Variants in HHAT observed in about 807,000 individuals in gnomAD.
HHAT encodes the protein hedgehog acyltransferase, also known as protein-cysteine N-palmitoyltransferase HHAT.
Under a neutral mutation model 70.8 loss-of-function variants are expected in HHAT, and 47 were observed. The ratio of observed to expected loss-of-function variants is 0.66; its 90% CI spans 0.53 to 0.85. The LOEUF is 0.85. Ranked by LOEUF, HHAT falls within the 40% of genes least tolerant of loss-of-function variation. HHAT has a pLI of 0.00. For synonymous variants in HHAT, 228 were observed against 247.6 expected (o/e 0.92, Z 0.74); for missense variants, 609 against 604.8 (o/e 1.01, Z -0.07).
At chr1:210,388,759 TTTCCCCAAGAA>T (rs2091258987) in intron 4 of HHAT, among the ~76,000 whole-genome samples, 1 of 152,226 alleles carries the variant, frequency 6.6e-6, no homozygotes, top group Non-Finnish European at 1.5e-5. Context: ...TTAGTTTTTT[TTTCCCCAAGAA>T]TTCAAAACTT....
chr1:210,492,073 T>G (rs1558014864), intron 8 of HHAT, among the ~76,000 whole-genome samples: 1 of 152,086 alleles, frequency 6.6e-6, no homozygotes, highest in Non-Finnish European at 1.5e-5. Context: ...CTGTCTTTAG[T>G]TCCTATAAGC....
intron 9 of HHAT, among the ~76,000 whole-genome samples, chr1:210,575,139 A>G (rs921474354): frequency 6.6e-6 from 1 of 151,916 alleles, no homozygotes; most frequent in East Asian, 1.9e-4. Context: ...TCTTTCCCCT[A>G]CCTCTTCTCC....
At position 210,442,862 on chromosome 1, in the gene HHAT, C is replaced by A. The variant is rs12067442; in HGVS notation, c.857-21643C>A. On this transcript the variant is annotated intron_variant, in intron 7 of 11. Coordinates refer to ENST00000261458, the MANE Select transcript of HHAT (RefSeq NM_018194.6). ...CAGAAGCTGTTTAGTTTAATTAGAT[C>A]CCATTTGTCAATTTTGGCTTTTGTT... 7.4e-3 allele frequency among the ~76,000 whole-genome samples: 1,126 copies of A among 152,222 alleles called. 17 individuals are homozygous for A. Among genetic ancestry groups the A allele is most frequent in the African/African-American group, 0.025 (1,029 of 41,520 alleles).
intron 9 of HHAT, among the ~76,000 whole-genome samples, chr1:210,566,999 C>T (rs560210141): frequency 4.1e-4 from 63 of 152,338 alleles, no homozygotes; most frequent in Non-Finnish European, 7.2e-4. Flanking sequence ...CCCCTTGATG[C>T]TTCTATGGGG....
chr1:210,433,797 G>C (rs981287042), intron 7 of HHAT, among the ~76,000 whole-genome samples: 14 of 151,862 alleles, frequency 9.2e-5, no homozygotes, highest in African/African-American at 3.4e-4. Flanking sequence ...TCAATTTCTA[G>C]TGAGAGTTAG....
intron 6 of HHAT, among the ~76,000 whole-genome samples, chr1:210,412,196 A>AC (rs887648523): frequency 3.3e-5 from 5 of 152,266 alleles, no homozygotes; most frequent in South Asian, 4.1e-4. Flanking sequence ...TAGTACCATT[A>AC]CCTTGGGGGT....
chr1:210,452,833 G>A, intron 7 of HHAT, among the ~76,000 whole-genome samples: 1 of 152,218 alleles, frequency 6.6e-6, no homozygotes, highest in East Asian at 1.9e-4. Context: ...ATTTGAGAGT[G>A]AGCGAGGAGA....
chr1:210,664,168 G>A (rs889658062), intron 11 of HHAT, among the ~76,000 whole-genome samples: 8 of 152,216 alleles, frequency 5.3e-5, no homozygotes, highest in African/African-American at 1.9e-4. Context: ...AAGATAACCA[G>A]CCCTCTGATG....
chr1:210,497,848 C>T (rs1264015215), intron 8 of HHAT, among the ~76,000 whole-genome samples: 5 of 151,846 alleles, frequency 3.3e-5, no homozygotes, highest in African/African-American at 9.7e-5. Context: ...TCACTGCAAC[C>T]TCCACCTCCC....
At chr1:210,427,439 T>A (rs1018389018) in intron 7 of HHAT, among the ~76,000 whole-genome samples, 1 of 152,210 alleles carries the variant, frequency 6.6e-6, no homozygotes, top group African/African-American at 2.4e-5. Context: ...TGTAGGTGTT[T>A]AGTGCTATAA....
rs952538690 is a variant in HHAT at position 210,389,768 on chromosome 1, C to T, written c.273+2187C>T. Among the ~76,000 whole-genome samples, 3 of 152,160 alleles carry T rather than the reference C, an allele frequency of 2.0e-5. 1 individual carries two copies. The highest frequency in any genetic ancestry group is 7.2e-5 in the African/African-American group (3 of 41,442). ...CCTAGTCTCAGGTAGTTCTTTATAG[C>T]AGTGTGTAAACAGACTAATACAACT... On this transcript the variant is annotated intron_variant, in intron 4 of 11. Transcript: ENST00000261458.
chr1:210,669,705 G>A (rs1200836033), intron 11 of HHAT, among the ~76,000 whole-genome samples: 2 of 152,224 alleles, frequency 1.3e-5, no homozygotes, highest in Non-Finnish European at 2.9e-5. Context: ...AGCCCTGCAG[G>A]AAATTACACA....
rs532665179 is a variant in HHAT at position 210,605,854 on chromosome 1, G to GT, written c.1246-17661dup. 3.3e-3 allele frequency among the ~76,000 whole-genome samples: 483 copies of GT among 147,534 alleles called. 4 individuals carry two copies. The highest frequency in any genetic ancestry group is 3.5e-3 in the Middle Eastern group (1 of 286). ...TAATTTTATTAATTTCTTCATTTAT[G>GT]TTTTTTTTTTTCCTCTTTTGAGGCA... is the stretch of plus-strand genomic sequence containing the variant. On this transcript the variant is annotated intron_variant, in intron 10 of 11. Transcript: ENST00000261458.
chr1:210,546,022 T>C (rs2095480252), intron 9 of HHAT, among the ~76,000 whole-genome samples: 2 of 152,234 alleles, frequency 1.3e-5, no homozygotes, highest in African/African-American at 4.8e-5. Flanking sequence ...TTGTTCATGC[T>C]ATTTTCATAC....
intron 3 of HHAT, among the ~76,000 whole-genome samples, chr1:210,370,782 G>A (rs545590973): frequency 2.0e-5 from 3 of 151,524 alleles, no homozygotes; most frequent in Non-Finnish European, 4.4e-5. Flanking sequence ...GCCCAGCTAA[G>A]TTTTTGTATT....
rs536285891 is a variant in HHAT at position 210,414,874 on chromosome 1, C to G, written c.685-3280C>G. 2.2e-4 allele frequency among the ~76,000 whole-genome samples: 34 copies of G among 151,968 alleles called. 1 individual carries two copies. The highest frequency in any genetic ancestry group is 4.4e-4 in the Non-Finnish European group (30 of 68,006). On this transcript the variant is annotated intron_variant, in intron 6 of 11. Coordinates refer to ENST00000261458, the MANE Select transcript of HHAT (RefSeq NM_018194.6). ...CTCTACTACAAATACAAAAAATAGC[C>G]AGGTGTGGTGGTACATGCCTGTAAT...
intron 9 of HHAT, among the ~76,000 whole-genome samples, chr1:210,514,386 C>A (rs549249618): frequency 1.6e-4 from 24 of 152,284 alleles, no homozygotes; most frequent in African/African-American, 3.8e-4. Context: ...GACAAAGAAC[C>A]AGCAGTCATG....
At chr1:210,411,685 A>G (rs1398436549) in intron 6 of HHAT, among the ~76,000 whole-genome samples, 2 of 152,118 alleles carry the variant, frequency 1.3e-5, no homozygotes, top group African/African-American at 4.8e-5. Context: ...AGCCAAGGCT[A>G]CCATGAGGTA....
intron 8 of HHAT, among the ~76,000 whole-genome samples, chr1:210,502,024 CT>C (rs76785301): frequency 0.012 from 1,787 of 146,612 alleles, 37 homozygotes; most frequent in African/African-American, 0.039. Flanking sequence ...TATTCTTCTT[CT>C]TTTTTTTTTT....
Sources: gnomAD v4.1 joint callset for allele counts (sites outside exome capture counted in the v4.1 genomes callset) on GRCh38, gnomAD v4.1.1 for gene constraint, MANE v1.5 for transcripts, NCBI Gene and HGNC (gene_info 2026-07-23, HGNC 2026-07-21) for gene names.